Variants in MX1 observed in about 807,000 individuals in gnomAD.
The protein encoded by MX1 is MX dynamin like GTPase 1, also known as interferon-induced GTP-binding protein Mx1.
MX1 carries 66 observed loss-of-function variants against 66.4 expected under a neutral mutation model. The observed-to-expected ratio is 0.99, with a 90% CI of 0.82 to 1.22. The LOEUF is 1.22. MX1 is among the 50% of genes most tolerant of loss of function. The pLI is 0.00. For synonymous variants in MX1, 311 were observed against 318.1 expected, an observed-to-expected ratio of 0.98 and a Z score of 0.24; for missense variants, 787 against 834.3, an observed-to-expected ratio of 0.94 and a Z score of 0.70.
chr21:41,435,422 A>G (rs1412802105), intron 5 of MX1, among the ~76,000 whole-genome samples: 2 of 152,166 alleles, frequency 1.3e-5, no homozygotes, highest in Non-Finnish European at 2.9e-5. Flanking sequence ...GGCCGTCTTT[A>G]ATGGAGTGTA....
rs779100376 is a variant in MX1, at chr21:41,437,771, TG to T, written c.436+624del. Among the ~76,000 whole-genome samples the T allele has an allele frequency of 2.0e-5, 3 of 152,248 alleles. No homozygotes were observed. The East Asian group carries it at 5.8e-4, about 29-fold the overall frequency. ...ATCTGGCAGGAAGAGGAGCCAGATATGGGGGTGAGGGAGCTCCTCCCCCTGT... is the reference window on the plus strand; with the variant it reads ...ATCTGGCAGGAAGAGGAGCCAGATATGGGGTGAGGGAGCTCCTCCCCCTGT... On this transcript the variant is annotated intron_variant, in intron 7 of 16. Transcript: ENST00000398598.
intron 10 of MX1, chr21:41,442,661 T>G (rs993330325): frequency 6.6e-6 from 1 of 152,258 alleles, no homozygotes; most frequent in Non-Finnish European, 1.5e-5. Flanking sequence ...AAATGGAAAC[T>G]TACATCCTGT....
intron 16 of MX1, among the ~76,000 whole-genome samples, chr21:41,456,707 T>A (rs2090967584): frequency 6.6e-6 from 1 of 152,118 alleles, no homozygotes; most frequent in Admixed American, 6.5e-5. Context: ...AGAGAAGGCC[T>A]GCTCCATCCA....
chr21:41,432,031 G>C lies in MX1; in HGVS notation c.-21-19G>C. 1 of 1,598,442 alleles carries C rather than the reference G, an allele frequency of 6.3e-7. No individual in the cohort carries two copies. Among genetic ancestry groups the C allele is most frequent in the Middle Eastern group, 1.7e-4 (1 of 6,038 alleles). On this transcript the variant is annotated intron_variant, in intron 4 of 16. Transcript: ENST00000398598. ...ACCCAGCTGCTTATCTGTTCAATAG[G>C]CATCTGCTTTATTTTAAGCTTACTT...
At position 41,457,008 on chromosome 21, in the gene MX1, C is replaced by T. The variant is rs1479958185; in HGVS notation, c.1759-1520C>T. Among the ~76,000 whole-genome samples the T allele has an allele frequency of 2.0e-5, 3 of 152,208 alleles. No homozygotes were observed. The South Asian group carries it at 6.2e-4, about 31-fold the overall frequency. The stretch of plus-strand genomic sequence containing the variant: ...AACGCCTGACCATGTGATCCATCCG[C>T]CTCAGTCTACCAAAGTGCTGGGTTT... On this transcript the variant is annotated intron_variant, in intron 16 of 16. Coordinates refer to ENST00000398598, the MANE Select transcript of MX1 (RefSeq NM_002462.5).
At chr21:41,445,367 T>C in intron 11 of MX1, 81 bp from the exon 12 acceptor site, 2 of 1,543,930 alleles carry the variant, frequency 1.3e-6, no homozygotes, top group Non-Finnish European at 1.8e-6. Context: ...ACAACTCCTC[T>C]GCAGAGGGAG....
At chr21:41,442,875 C>G (rs1194435726) in intron 10 of MX1, 1 of 152,304 alleles carries the variant, frequency 6.6e-6, no homozygotes, top group African/African-American at 2.4e-5. Flanking sequence ...CGGATACTGT[C>G]TGATTCCACT....
chr21:41,439,501 G>A (rs1236945235), intron 7 of MX1, among the ~76,000 whole-genome samples, 193 bp from the exon 8 acceptor site: 2 of 152,144 alleles, frequency 1.3e-5, no homozygotes, highest in East Asian at 3.9e-4. Context: ...CACAGTGCTG[G>A]CCAACAGCAG....
At chr21:41,452,984 C>G in intron 16 of MX1, 115 bp downstream of exon 16, 1 of 1,243,716 alleles carries the variant, frequency 8.0e-7, no homozygotes, top group Non-Finnish European at 1.1e-6. Flanking sequence ...TGTCGTTTAC[C>G]TCCTTGTTAG....
Position 41,452,733 on chromosome 21 carries a change from C to T in MX1, c.1622C>T (p.Ala541Val), listed in dbSNP as rs752587818. ...VYCQDQVYRGALQKVREKELE... is the reference protein window; with the variant it reads ...VYCQDQVYRGVLQKVREKELE... Reference sequence around the variant, plus strand: ...TGCCAGGACCAGGTATACAGGGGTGCATTGCAGAAGGTCAGAGAGAAGGAG... The same window carrying T: ...TGCCAGGACCAGGTATACAGGGGTGTATTGCAGAAGGTCAGAGAGAAGGAG... Residue 541 changes from alanine (A) to valine (V), a missense_variant, in exon 16 of 17, where the codon GCA (alanine) becomes GTA (valine). Ala to Val is a moderately conservative substitution (Grantham distance 64). Coordinates refer to ENST00000398598, the MANE Select transcript of MX1 (RefSeq NM_002462.5). The T allele has an allele frequency of 9.2e-5, 148 of 1,614,000 alleles. No homozygotes were observed. The highest frequency in any genetic ancestry group is 1.2e-4 in the Non-Finnish European group (139 of 1,180,024).
intron 12 of MX1, 175 bp from the exon 13 acceptor site, chr21:41,445,825 T>C: frequency 2.3e-6 from 2 of 879,174 alleles, no homozygotes; most frequent in Non-Finnish European, 3.4e-6. Flanking sequence ...CCTAAGGCAG[T>C]AAGGGGTGGG....
In MX1 at chr21:41,440,892, G is replaced by A. The variant is rs770192477; in HGVS notation, c.597G>A (p.Lys199=). 1.2e-6 allele frequency: 2 copies of A among 1,614,062 alleles called. No individual in the cohort carries two copies. Among genetic ancestry groups the A allele is most frequent in the African/African-American group, 1.3e-5 (1 of 74,918 alleles). ...NQPADIGYKI[K]TLIKKYIQRQ... ...CTCCTCTCATTTCCTTACAGATCAA[G>A]ACACTCATCAAGAAGTACATCCAGA... The change falls in exon 9 of 17, where the codon AAG becomes AAA. Residue 199 remains lysine, a synonymous_variant. Transcript: ENST00000398598.
At chr21:41,439,512 G>C (rs764968448) in intron 7 of MX1, among the ~76,000 whole-genome samples, 182 bp from the exon 8 acceptor site, 9 of 152,130 alleles carry the variant, frequency 5.9e-5, no homozygotes, top group Non-Finnish European at 1.3e-4. Flanking sequence ...CCAACAGCAG[G>C]GAAAATACTG....
In MX1 at chr21:41,441,238, C is replaced by G; in HGVS notation, c.730+213C>G. 1 of 626,200 alleles carries G rather than the reference C, an allele frequency of 1.6e-6. No homozygotes were observed. Among genetic ancestry groups the G allele is most frequent in the Non-Finnish European group, 2.6e-6 (1 of 380,000 alleles). The allele number at this position is 626,200 out of a possible 1,614,324, so 38.8% of individuals were successfully genotyped here. A position where few individuals can be genotyped will look rare whatever the true frequency, so the allele number is the denominator to read the frequency against. On this transcript the variant is annotated intron_variant, in intron 9 of 16. Coordinates refer to ENST00000398598, the MANE Select transcript of MX1 (RefSeq NM_002462.5). This position sits in a 1 kb window ranked among gnomAD's most constrained non-coding sequence, Gnocchi z 4.0. ...TTTGCTCAGTGGGGACCTGCCTCCA[C>G]TAAGACCTGCTAAGGGAGCAGGTTT...
chr21:41,430,882 T>C (rs2090191050), intron 4 of MX1, among the ~76,000 whole-genome samples: 1 of 152,188 alleles, frequency 6.6e-6, no homozygotes, highest in Admixed American at 6.5e-5. Context: ...AAATTGATGA[T>C]CAAAAGAAAG....
intron 1 of MX1, chr21:41,420,953 C>T (rs2089986735): frequency 6.6e-6 from 1 of 152,256 alleles, no homozygotes; most frequent in South Asian, 2.1e-4. Context: ...GACACAGAGA[C>T]AAAGTATAGA....
intron 10 of MX1, among the ~76,000 whole-genome samples, chr21:41,442,498 A>G (rs1264829327): frequency 6.6e-6 from 1 of 152,236 alleles, no homozygotes; most frequent in Non-Finnish European, 1.5e-5. Context: ...AGATTTTTCT[A>G]TCCCTCCTAC....
intron 13 of MX1, 102 bp from the exon 14 acceptor site, chr21:41,449,035 T>A: frequency 9.4e-7 from 1 of 1,060,958 alleles, no homozygotes. Context: ...CACTTTTTCT[T>A]GCCATTTATA....
At chr21:41,449,015 G>C (rs1377444321) in intron 13 of MX1, 122 bp from the exon 14 acceptor site, 3 of 699,746 alleles carry the variant, frequency 4.3e-6, no homozygotes, top group Non-Finnish European at 6.6e-6. Flanking sequence ...AGTTAGATTT[G>C]ATTTGATACC....
Sources: allele counts gnomAD v4.1 joint callset (sites outside exome capture counted in the v4.1 genomes callset), GRCh38; gene constraint gnomAD v4.1.1; non-coding constraint Gnocchi (gnomAD v3.1); transcripts MANE v1.5; gene names NCBI Gene and HGNC (gene_info 2026-07-23, HGNC 2026-07-21).